PCDH7: variants seen among roughly 807,000 people sequenced by gnomAD.
PCDH7 encodes protocadherin-7.
A neutral mutation model predicts 58.9 loss-of-function variants in PCDH7; 17 were observed. The ratio of observed to expected loss-of-function variants is 0.29; its 90% CI spans 0.20 to 0.43. PCDH7 has a LOEUF of 0.43. Among genes scored for constraint, PCDH7 ranks in the 20% least tolerant of loss-of-function variants. The pLI, the probability that PCDH7 is intolerant of heterozygous loss-of-function variation, is 1.00. For missense variants in PCDH7, 1,274 were observed against 1,441.0 expected (o/e 0.88, Z 1.88); for synonymous variants, 664 against 616.4 (o/e 1.08, Z -1.14).
intron 3 of PCDH7, among the ~76,000 whole-genome samples, chr4:31,088,053 CAGTT>C (rs1030927166): frequency 9.9e-5 from 15 of 152,008 alleles, no homozygotes; most frequent in African/African-American, 3.6e-4. Flanking sequence ...AAAAATCACT[CAGTT>C]AGTAAATTGA....
At chr4:30,898,748 G>A (rs889980083) in intron 1 of PCDH7, among the ~76,000 whole-genome samples, 7 of 152,054 alleles carry the variant, frequency 4.6e-5, no homozygotes, top group Non-Finnish European at 7.4e-5. Context: ...CCGCCACCAC[G>A]CCCGGCTAAT....
At chr4:30,759,010 C>T (rs370353257) in intron 1 of PCDH7, among the ~76,000 whole-genome samples, 5 of 145,584 alleles carry the variant, frequency 3.4e-5, no homozygotes, top group East Asian at 2.1e-4. Flanking sequence ...GACGTGATCG[C>T]GGCTCACTGC....
chr4:30,911,814 T>A (rs552016489), intron 1 of PCDH7, among the ~76,000 whole-genome samples: 12 of 152,148 alleles, frequency 7.9e-5, no homozygotes, highest in African/African-American at 2.9e-4. Flanking sequence ...CTGATCCACA[T>A]AGGGATGGCA....
intron 1 of PCDH7, among the ~76,000 whole-genome samples, chr4:30,773,100 A>G (rs903681182): frequency 2.0e-5 from 3 of 152,146 alleles, no homozygotes; most frequent in Non-Finnish European, 2.9e-5. Context: ...ACGGGATTTT[A>G]CTATCTTGGC....
chr4:30,928,579 T>G (rs1255049777), intron 2 of PCDH7, among the ~76,000 whole-genome samples: 8 of 152,156 alleles, frequency 5.3e-5, no homozygotes, highest in African/African-American at 1.9e-4. Context: ...CACAGTAACT[T>G]AATTATAATG....
intron 1 of PCDH7, among the ~76,000 whole-genome samples, chr4:30,803,293 T>C (rs1725763865): frequency 6.6e-6 from 1 of 152,124 alleles, no homozygotes; most frequent in South Asian, 2.1e-4. Context: ...GAAGTGACTG[T>C]CACTGAAATA....
chr4:30,887,065 G>A (rs1316412576), intron 1 of PCDH7, among the ~76,000 whole-genome samples: 4 of 150,926 alleles, frequency 2.7e-5, no homozygotes, highest in East Asian at 2.0e-4. Flanking sequence ...CACCAGCATG[G>A]CACATGTATA....
intron 1 of PCDH7, among the ~76,000 whole-genome samples, chr4:30,779,696 A>C (rs193211288): frequency 1.6e-3 from 237 of 152,308 alleles, no homozygotes; most frequent in Admixed American, 2.7e-3. Flanking sequence ...AGTCTCAATT[A>C]ATTCCTTGGA....
At chr4:31,112,279 C>T (rs1369924493) in intron 3 of PCDH7, among the ~76,000 whole-genome samples, 2 of 152,202 alleles carry the variant, frequency 1.3e-5, no homozygotes, top group African/African-American at 4.8e-5. Context: ...ATTTTGCAGA[C>T]ATTTTATTCT....
chr4:31,046,791 A>T (rs968114591), intron 3 of PCDH7, among the ~76,000 whole-genome samples: 1 of 152,090 alleles, frequency 6.6e-6, no homozygotes, highest in Non-Finnish European at 1.5e-5. Flanking sequence ...ACTTACATCC[A>T]TCATATTAAA....
intron 2 of PCDH7, among the ~76,000 whole-genome samples, chr4:30,937,243 G>A (rs920662369): frequency 2.0e-5 from 3 of 151,928 alleles, no homozygotes; most frequent in African/African-American, 4.8e-5. Context: ...AAAAACTTTA[G>A]CTAAATGTGT....
intron 3 of PCDH7, among the ~76,000 whole-genome samples, chr4:30,980,666 A>G (rs936815739): frequency 2.0e-5 from 3 of 152,198 alleles, no homozygotes; most frequent in Non-Finnish European, 4.4e-5. Flanking sequence ...TGAGAAAAAA[A>G]ATCAAAGGCC....
chr4:31,138,579 C>A (rs1719891668), intron 3 of PCDH7, among the ~76,000 whole-genome samples: 1 of 152,092 alleles, frequency 6.6e-6, no homozygotes. Flanking sequence ...TAGCTTGGAC[C>A]CGTTCGCTGT....
chr4:30,930,283 C>T (rs1020918463), intron 2 of PCDH7, among the ~76,000 whole-genome samples: 2 of 152,034 alleles, frequency 1.3e-5, no homozygotes, highest in African/African-American at 2.4e-5. Context: ...GATACCTACC[C>T]GAGAGGGTGA....
chr4:31,066,665 G>T (rs1168204395), intron 3 of PCDH7, among the ~76,000 whole-genome samples: 1 of 151,774 alleles, frequency 6.6e-6, no homozygotes, highest in African/African-American at 2.4e-5. Context: ...TTGCTATAAT[G>T]CTTGATTTTA....
intron 3 of PCDH7, among the ~76,000 whole-genome samples, chr4:31,074,071 T>A (rs1578722539): frequency 6.6e-6 from 1 of 152,112 alleles, no homozygotes; most frequent in East Asian, 1.9e-4. Context: ...CACATGGTTG[T>A]TTTGCCTTTC....
intron 2 of PCDH7, among the ~76,000 whole-genome samples, chr4:30,942,122 G>C (rs1746112119): frequency 6.6e-6 from 1 of 151,782 alleles, no homozygotes; most frequent in Non-Finnish European, 1.5e-5. Flanking sequence ...AACTAGGACA[G>C]GGTCTTGCAT....
chr4:31,038,592 A>G (rs1755603157), intron 3 of PCDH7, among the ~76,000 whole-genome samples: 1 of 152,100 alleles, frequency 6.6e-6, no homozygotes, highest in Non-Finnish European at 1.5e-5. Context: ...TATATTTTTC[A>G]TTTGTGAATT....
chr4:30,943,107 A>T (rs1444344720), intron 2 of PCDH7, among the ~76,000 whole-genome samples: 1 of 151,920 alleles, frequency 6.6e-6, no homozygotes, highest in East Asian at 1.9e-4. Flanking sequence ...AGTTTATTGG[A>T]TATTATCATA....
Sources: allele counts gnomAD v4.1 joint callset (sites outside exome capture counted in the v4.1 genomes callset), GRCh38; gene constraint gnomAD v4.1.1; transcripts MANE v1.5; gene names NCBI Gene and HGNC (gene_info 2026-07-23, HGNC 2026-07-21).